Variants in FAM227B observed in about 807,000 individuals in gnomAD.
FAM227B encodes the protein protein FAM227B.
FAM227B carries 88 observed loss-of-function variants against 73.8 expected under a neutral mutation model. The ratio of observed to expected loss-of-function variants is 1.19; its 90% CI spans 1.00 to 1.42. The LOEUF (loss-of-function observed/expected upper bound fraction) is 1.42, where lower values mean the gene tolerates loss of function less well. Ranked by LOEUF, FAM227B falls within the 40% of genes most tolerant of loss-of-function variation. The pLI is 0.00. For synonymous variants in FAM227B, 210 were observed against 190.5 expected, an observed-to-expected ratio of 1.10 and a Z score of -0.84; for missense variants, 632 against 590.9, an observed-to-expected ratio of 1.07 and a Z score of -0.72.
At chr15:49,345,936 G>T (rs983564709) in intron 13 of FAM227B, among the ~76,000 whole-genome samples, 1 of 152,104 alleles carries the variant, frequency 6.6e-6, no homozygotes, top group African/African-American at 2.4e-5. Flanking sequence ...GAAAAGAATG[G>T]CCCAGGGGCA....
intron 13 of FAM227B, among the ~76,000 whole-genome samples, chr15:49,367,118 C>T (rs1271301310): frequency 6.6e-6 from 1 of 152,170 alleles, no homozygotes; most frequent in African/African-American, 2.4e-5. Flanking sequence ...GAAGCCCATG[C>T]CTCATAATTC....
chr15:49,371,970 GA>G (rs1403015242), intron 11 of FAM227B, among the ~76,000 whole-genome samples: 2 of 91,042 alleles, frequency 2.2e-5, no homozygotes. Flanking sequence ...ATAAATAAAT[GA>G]AATAAAATTC....
At chr15:49,393,509 G>A (rs2047358685) in intron 11 of FAM227B, among the ~76,000 whole-genome samples, 2 of 152,032 alleles carry the variant, frequency 1.3e-5, no homozygotes, top group South Asian at 4.2e-4. Flanking sequence ...TTTTCCACAG[G>A]TGGGTTCCCA....
chr15:49,429,860 G>A (rs998391924), intron 11 of FAM227B, among the ~76,000 whole-genome samples: 1 of 151,860 alleles, frequency 6.6e-6, no homozygotes, highest in Non-Finnish European at 1.5e-5. Context: ...AGGTGGGAAG[G>A]ACCAGGCATT....
chr15:49,451,799 T>C (rs1299945874), intron 11 of FAM227B, among the ~76,000 whole-genome samples: 2 of 152,128 alleles, frequency 1.3e-5, no homozygotes, highest in African/African-American at 4.8e-5. Flanking sequence ...GTAATACTTA[T>C]ATAGCAATCA....
intron 11 of FAM227B, among the ~76,000 whole-genome samples, chr15:49,433,723 G>T (rs2050829236): frequency 6.6e-6 from 1 of 151,696 alleles, no homozygotes; most frequent in Admixed American, 6.6e-5. Context: ...CTGGAAGGTT[G>T]ATTGGCAGGG....
chr15:49,496,936 C>G (rs1741617841), intron 11 of FAM227B, among the ~76,000 whole-genome samples: 4 of 151,592 alleles, frequency 2.6e-5, no homozygotes, highest in Admixed American at 2.6e-4. Context: ...CAAAGTCACA[C>G]ACACACACAC....
chr15:49,491,785 A>G (rs546139915), intron 11 of FAM227B, among the ~76,000 whole-genome samples: 4 of 151,838 alleles, frequency 2.6e-5, no homozygotes, highest in Non-Finnish European at 5.9e-5. Context: ...CTTCAGTTAA[A>G]CAAGCATATA....
rs2037886859 is a variant in FAM227B at position 49,328,330 on chromosome 15, A to T, written c.*238T>A. On this transcript the variant is annotated 3_prime_UTR_variant, in exon 16 of 16. Coordinates refer to ENST00000299338, the MANE Select transcript of FAM227B (RefSeq NM_152647.3). ...TGAAAGCTCTCTATGCTTCATAATG[A>T]TTCTTTTTCCATCTTAAAATATGGT... is the stretch of plus-strand genomic sequence containing the variant. 2.8e-6 allele frequency: 4 copies of T among 1,431,346 alleles called. No individual in the cohort carries two copies. In the East Asian group the frequency reaches 1.0e-4, roughly 36 times the overall value. 88.7% of individuals were successfully genotyped at this position (1,431,346 alleles called of 1,614,324 possible). A position where few individuals can be genotyped will look rare whatever the true frequency, so the allele number is the denominator to read the frequency against.
chr15:49,601,605 C>G (rs1053103559), intron 3 of FAM227B, among the ~76,000 whole-genome samples: 5 of 151,970 alleles, frequency 3.3e-5, no homozygotes, highest in Non-Finnish European at 7.4e-5. Context: ...AATGGGGTAA[C>G]CATCCCCTCA....
intron 9 of FAM227B, among the ~76,000 whole-genome samples, chr15:49,546,789 A>G (rs2071965280): frequency 6.6e-6 from 1 of 152,214 alleles, no homozygotes; most frequent in Non-Finnish European, 1.5e-5. Flanking sequence ...ATGTGAAAAG[A>G]CCAAATCTAC....
At chr15:49,367,794 A>T in intron 12 of FAM227B, 186 bp from the exon 13 acceptor site, 1 of 402,836 alleles carries the variant, frequency 2.5e-6, no homozygotes. Flanking sequence ...ACATGCAGTA[A>T]GGCTCTTCTA....
At chr15:49,608,126 T>C (rs1424375564) in intron 3 of FAM227B, among the ~76,000 whole-genome samples, 1 of 152,178 alleles carries the variant, frequency 6.6e-6, no homozygotes, top group Non-Finnish European at 1.5e-5. Context: ...AGTAAATAAA[T>C]GTATTCAAAT....
intron 9 of FAM227B, among the ~76,000 whole-genome samples, chr15:49,560,468 A>C (rs1448505117): frequency 6.6e-6 from 1 of 152,226 alleles, no homozygotes; most frequent in Non-Finnish European, 1.5e-5. Flanking sequence ...AAAATAATTC[A>C]AGAAAAATTT....
At chr15:49,338,425 C>A (rs2040141907) in intron 13 of FAM227B, among the ~76,000 whole-genome samples, 1 of 152,176 alleles carries the variant, frequency 6.6e-6, no homozygotes, top group South Asian at 2.1e-4. Context: ...GTTGAAAATT[C>A]TTTTCTTTAA....
chr15:49,470,688 G>A (rs536534464), intron 11 of FAM227B, among the ~76,000 whole-genome samples: 2 of 152,320 alleles, frequency 1.3e-5, no homozygotes, highest in African/African-American at 4.8e-5. Flanking sequence ...CAAGAGGAAT[G>A]TGTAAATGTG....
chr15:49,366,654 T>C (rs2045247707), intron 13 of FAM227B: 2 of 1,557,524 alleles, frequency 1.3e-6, no homozygotes, highest in Admixed American at 1.7e-5. Context: ...AGGGCGGCCG[T>C]GGCAGGGGAC....
chr15:49,416,395 G>C (rs1293661338), intron 11 of FAM227B, among the ~76,000 whole-genome samples: 5 of 152,002 alleles, frequency 3.3e-5, no homozygotes, highest in Non-Finnish European at 7.4e-5. Context: ...AAGAAAAGAG[G>C]AAGATAAATT....
At chr15:49,478,423 T>C (rs1166929900) in intron 11 of FAM227B, among the ~76,000 whole-genome samples, 6 of 152,148 alleles carry the variant, frequency 3.9e-5, no homozygotes, top group Non-Finnish European at 8.8e-5. Context: ...TATGTCGGTG[T>C]ATTTTAGTGA....
Sources: allele counts gnomAD v4.1 joint callset (sites outside exome capture counted in the v4.1 genomes callset), GRCh38; gene constraint gnomAD v4.1.1; transcripts MANE v1.5; gene names NCBI Gene and HGNC (gene_info 2026-07-23, HGNC 2026-07-21).